TOX: variants seen among roughly 807,000 people sequenced by gnomAD.
TOX encodes thymocyte selection associated high mobility group box.
In TOX, 11 loss-of-function variants were observed where a neutral mutation model predicts 53.7. That is an observed-to-expected ratio of 0.20 (90% CI 0.13 to 0.34). The LOEUF is 0.34. Among genes scored for constraint, TOX ranks in the 10% least tolerant of loss-of-function variants. TOX has a pLI of 1.00. For missense variants in TOX, 570 were observed against 664.6 expected, an observed-to-expected ratio of 0.86 and a Z score of 1.56; for synonymous variants, 225 against 245.3, an observed-to-expected ratio of 0.92 and a Z score of 0.77.
chr8:58,875,197 A>T (rs529313322), intron 3 of TOX, among the ~76,000 whole-genome samples: 1 of 152,334 alleles, frequency 6.6e-6, no homozygotes, highest in South Asian at 2.1e-4. Context: ...TGGGAGGCCA[A>T]CTAAGGAGAT....
intron 1 of TOX, among the ~76,000 whole-genome samples, chr8:58,962,172 C>A (rs1812810725): frequency 6.6e-6 from 1 of 152,126 alleles, no homozygotes; most frequent in South Asian, 2.1e-4. Flanking sequence ...TGAGTCTATC[C>A]AACATGTACG....
chr8:58,857,357 G>A lies in TOX; in HGVS notation c.412-5552C>T, dbSNP rs1454659683. Among the ~76,000 whole-genome samples the A allele has an allele frequency of 2.0e-5, 3 of 152,046 alleles. No homozygotes were observed. The East Asian group carries it at 5.8e-4, about 29-fold the overall frequency. On this transcript the variant is annotated intron_variant, in intron 3 of 8. Transcript: ENST00000361421. ...TGCATGTCATTGGCATTTTAGTGTT[G>A]CGTGGCTCTTAATATTTATCTCACC... is the stretch of plus-strand genomic sequence containing the variant.
intron 1 of TOX, among the ~76,000 whole-genome samples, chr8:59,033,199 T>G (rs889980107): frequency 5.3e-5 from 8 of 152,206 alleles, no homozygotes; most frequent in African/African-American, 1.9e-4. Flanking sequence ...TCTCCCATTG[T>G]GAGTTGGACA....
intron 3 of TOX, among the ~76,000 whole-genome samples, chr8:58,920,544 C>T (rs1585900820): frequency 1.6e-5 from 1 of 61,636 alleles, no homozygotes; most frequent in Admixed American, 1.9e-4. Context: ...ATATCACACT[C>T]TGGGGACTGT....
intron 1 of TOX, among the ~76,000 whole-genome samples, chr8:59,026,233 C>A (rs407440): frequency 6.6e-6 from 1 of 151,990 alleles, no homozygotes; most frequent in African/African-American, 2.4e-5. Context: ...CTTTCTAGGA[C>A]GGTCCATGGT....
chr8:58,845,428 T>G (rs182732274), intron 4 of TOX, among the ~76,000 whole-genome samples: 2 of 152,298 alleles, frequency 1.3e-5, no homozygotes, highest in East Asian at 3.9e-4. Flanking sequence ...CTCTCTTTTC[T>G]AAACTATGCC....
At chr8:58,974,571 G>A (rs1813057728) in intron 1 of TOX, among the ~76,000 whole-genome samples, 1 of 151,974 alleles carries the variant, frequency 6.6e-6, no homozygotes, top group Non-Finnish European at 1.5e-5. Flanking sequence ...TTCAAAAGAA[G>A]AATCAAAGAG....
At chr8:58,840,122 C>A in intron 4 of TOX, among the ~76,000 whole-genome samples, 1 of 152,192 alleles carries the variant, frequency 6.6e-6, no homozygotes, top group East Asian at 1.9e-4. Context: ...ATATGTGATA[C>A]CTTATAATCA....
intron 1 of TOX, among the ~76,000 whole-genome samples, chr8:59,024,767 GTGTC>G (rs540448892): frequency 1.6e-3 from 240 of 151,846 alleles, no homozygotes; most frequent in Non-Finnish European, 2.6e-3. Context: ...AAAAAAAAAA[GTGTC>G]TGAGCTCTGG....
At chr8:58,808,396 G>A in intron 7 of TOX, 127 bp from the exon 8 acceptor site, 1 of 1,205,084 alleles carries the variant, frequency 8.3e-7, no homozygotes, top group Non-Finnish European at 1.1e-6. Context: ...GGGCAAGCCT[G>A]TCGGAAGAGC....
At chr8:58,925,983 C>T (rs1485852188) in intron 3 of TOX, among the ~76,000 whole-genome samples, 2 of 152,176 alleles carry the variant, frequency 1.3e-5, no homozygotes, top group Non-Finnish European at 2.9e-5. Context: ...GTCCACTGAG[C>T]TACCCTGGTA....
At chr8:58,993,608 A>G (rs1341320027) in intron 1 of TOX, among the ~76,000 whole-genome samples, 2 of 152,184 alleles carry the variant, frequency 1.3e-5, no homozygotes, top group Non-Finnish European at 1.5e-5. Context: ...CAGTAATAAC[A>G]CCCAGAGGTA....
chr8:59,005,861 G>T (rs1334325698), intron 1 of TOX, among the ~76,000 whole-genome samples: 3 of 152,210 alleles, frequency 2.0e-5, no homozygotes, highest in African/African-American at 7.2e-5. Context: ...TGCTGTCCTG[G>T]CTGGATTTAA....
chr8:58,898,839 C>A (rs1437700187), intron 3 of TOX, among the ~76,000 whole-genome samples: 3 of 152,164 alleles, frequency 2.0e-5, no homozygotes, highest in Admixed American at 6.5e-5. Flanking sequence ...CAAGGCTCCA[C>A]GTTGCAAATT....
chr8:58,841,093 T>C (rs1277361469), intron 4 of TOX, among the ~76,000 whole-genome samples: 1 of 152,236 alleles, frequency 6.6e-6, no homozygotes, highest in Admixed American at 6.5e-5. Flanking sequence ...CCATTACTAT[T>C]TGTGGGTGGA....
At position 58,863,846 on chromosome 8, in the gene TOX, C is replaced by G. The variant is rs1811051341; in HGVS notation, c.412-12041G>C. The stretch of plus-strand genomic sequence containing the variant: ...AATAACTCACAGCCTGGAAGACATA[C>G]TATAATACAAGTCAAAGGGGATTAA... On this transcript the variant is annotated intron_variant, in intron 3 of 8. Coordinates refer to ENST00000361421, the MANE Select transcript of TOX (RefSeq NM_014729.3). Among the ~76,000 whole-genome samples the G allele has an allele frequency of 2.0e-5, 3 of 152,058 alleles. No individual in the cohort carries two copies. The South Asian group carries it at 6.2e-4, about 32-fold the overall frequency.
At chr8:59,059,491 T>G (rs1415932822) in intron 1 of TOX, among the ~76,000 whole-genome samples, 1 of 152,210 alleles carries the variant, frequency 6.6e-6, no homozygotes. Context: ...TAAAGAGTCA[T>G]TAATAAATAT....
intron 3 of TOX, among the ~76,000 whole-genome samples, chr8:58,893,217 C>A (rs910448018): frequency 3.9e-5 from 6 of 151,934 alleles, no homozygotes; most frequent in African/African-American, 1.5e-4. Flanking sequence ...ATCTCCCCCC[C>A]ACAAAACACA....
chr8:58,865,644 T>C lies in TOX; in HGVS notation c.412-13839A>G, dbSNP rs546950050. 3.3e-5 allele frequency among the ~76,000 whole-genome samples: 5 copies of C among 152,212 alleles called. No individual in the cohort carries two copies. In the East Asian group the frequency reaches 9.7e-4, roughly 29 times the overall value. On this transcript the variant is annotated intron_variant, in intron 3 of 8. Coordinates refer to ENST00000361421, the MANE Select transcript of TOX (RefSeq NM_014729.3). ...GTGGACATGCCCTTCTTAAATATAT[T>C]TTCGGTCTTTATGTGGTAAAAACAA...
Sources: gnomAD v4.1 joint callset for allele counts (sites outside exome capture counted in the v4.1 genomes callset) on GRCh38, gnomAD v4.1.1 for gene constraint, MANE v1.5 for transcripts, NCBI Gene and HGNC (gene_info 2026-07-23, HGNC 2026-07-21) for gene names.